SZT2: variants seen among roughly 807,000 people sequenced by gnomAD.
SZT2 encodes SZT2 subunit of KICSTOR complex, also known as KICSTOR complex protein SZT2.
SZT2 carries 216 observed loss-of-function variants against 404.2 expected under a neutral mutation model. That is an observed-to-expected ratio of 0.53 (90% CI 0.48 to 0.60). The LOEUF is 0.60. Among genes scored for constraint, SZT2 ranks in the 20% least tolerant of loss-of-function variants. The pLI is 0.00. For synonymous variants in SZT2, 1,693 were observed against 1,749.9 expected (o/e 0.97, Z 0.81); for missense variants, 3,857 against 4,459.2 (o/e 0.86, Z 3.85).
chr1:43,412,765 A>G (rs1651223908), intron 4 of SZT2: 1 of 152,194 alleles, frequency 6.6e-6, no homozygotes, highest in Non-Finnish European at 1.5e-5. Flanking sequence ...AATTACCAGA[A>G]TATATAAGGA....
At chr1:43,431,181 C>G in intron 33 of SZT2, 84 bp from the exon 34 acceptor site, 1 of 1,565,968 alleles carries the variant, frequency 6.4e-7, no homozygotes, top group East Asian at 2.2e-5. Context: ...CTAAGGAGAC[C>G]TTGAGGAGTC....
At chr1:43,416,251 T>G in intron 6 of SZT2, 150 bp downstream of exon 6, 1 of 1,074,838 alleles carries the variant, frequency 9.3e-7, no homozygotes. Flanking sequence ...TCTGTATTAG[T>G]GTGTATCAGG....
chr1:43,389,952 C>G lies in SZT2; in HGVS notation c.-17C>G. 2 of 1,449,884 alleles carry G rather than the reference C, an allele frequency of 1.4e-6. No homozygotes were observed. The highest frequency in any genetic ancestry group is 1.8e-6 in the Non-Finnish European group (2 of 1,101,404). 89.8% of individuals were successfully genotyped at this position (1,449,884 alleles called of 1,614,324 possible). ...GAACACCCTCACTGGCCCGGGCCGG[C>G]GCGGGAGGGCTGTGTGATGGCCTCG... On this transcript the variant is annotated 5_prime_UTR_variant, in exon 1 of 72. Coordinates refer to ENST00000634258, the MANE Select transcript of SZT2 (RefSeq NM_001365999.1).
chr1:43,398,725 G>A (rs1336196143), intron 1 of SZT2, among the ~76,000 whole-genome samples: 1 of 152,132 alleles, frequency 6.6e-6, no homozygotes, highest in Admixed American at 6.5e-5. Flanking sequence ...AATTTGATGG[G>A]ACTTTTCGAT....
intron 1 of SZT2, among the ~76,000 whole-genome samples, chr1:43,398,891 C>G (rs1649317633): frequency 6.6e-6 from 1 of 152,086 alleles, no homozygotes; most frequent in African/African-American, 2.4e-5. Flanking sequence ...ACCAGCCTGG[C>G]CAATATGGTG....
chr1:43,442,084 G>T lies in SZT2; in HGVS notation c.7827G>T (p.Leu2609=). Reference sequence around the variant, plus strand: ...GCCCTGCAGCTGAGCGGCATCTGCTGCTTCTGGGAAGGAACTTCTTGCAGT... The same window carrying T: ...GCCCTGCAGCTGAGCGGCATCTGCTTCTTCTGGGAAGGAACTTCTTGCAGT... ...SPRPAAERHL[L]LLGRNFLQWR... Residue 2609 remains leucine (L), a synonymous_variant, in exon 56 of 72, where the codon CTG becomes CTT. Transcript: ENST00000634258. The surrounding 1 kb of genome is among the most constrained non-coding windows in gnomAD (Gnocchi z 4.5). 6.2e-7 allele frequency: 1 copy of T among 1,614,020 alleles called. No individual in the cohort carries two copies. Among genetic ancestry groups the T allele is most frequent in the Non-Finnish European group, 8.5e-7 (1 of 1,179,996 alleles).
At chr1:43,435,506 G>A (rs532323249) in intron 42 of SZT2, among the ~76,000 whole-genome samples, 177 bp downstream of exon 42, 2 of 152,358 alleles carry the variant, frequency 1.3e-5, no homozygotes, top group South Asian at 2.1e-4. Flanking sequence ...CTGCTGCTGC[G>A]AGTTCATCAG....
At chr1:43,399,239 A>G (rs542726181) in intron 1 of SZT2, among the ~76,000 whole-genome samples, 5 of 152,342 alleles carry the variant, frequency 3.3e-5, no homozygotes, top group East Asian at 1.9e-4. Context: ...TTGAAATACA[A>G]CTAAGTTCAC....
At position 43,426,361 on chromosome 1, in the gene SZT2, C is replaced by A; in HGVS notation, c.3044-7C>A. ...TCTTGGTGCTGAGCAGAGTGTGTGT[C>A]GGGCAGAGCCAGAGGGTGTCCCTTT... On this transcript the variant is annotated splice_region_variant and splice_polypyrimidine_tract_variant and intron_variant, in intron 21 of 71. Transcript: ENST00000634258. The surrounding 1 kb of genome is among the most constrained non-coding windows in gnomAD (Gnocchi z 4.9). The A allele has an allele frequency of 1.3e-6, 2 of 1,537,026 alleles. No homozygotes were observed. The highest frequency in any genetic ancestry group is 2.4e-5 in the East Asian group (1 of 41,456).
chr1:43,448,645 C>T lies in SZT2; in HGVS notation c.10003C>T (p.Gln3335Ter). The T allele has an allele frequency of 6.2e-7, 1 of 1,614,208 alleles. No homozygotes were observed. ...CFLSMTVSWYQSLIKVLLSRF... is the reference protein window; with the variant it reads ...CFLSMTVSWY Reference sequence around the variant, plus strand: ...CCTATCCATGACGGTCTCCTGGTACCAGAGCCTGATCAAAGTTCTCCTAAG... The same window carrying T: ...CCTATCCATGACGGTCTCCTGGTACTAGAGCCTGATCAAAGTTCTCCTAAG... Residue 3335 changes from glutamine to a stop codon, truncating the protein, a stop_gained, in exon 70 of 72, where the codon CAG becomes TAG. Transcript: ENST00000634258. LOFTEE classifies it high-confidence loss of function. The surrounding 1 kb of genome is among the most constrained non-coding windows in gnomAD (Gnocchi z 4.2).
chr1:43,398,260 T>C (rs1000412458), intron 1 of SZT2, among the ~76,000 whole-genome samples: 2 of 152,190 alleles, frequency 1.3e-5, no homozygotes, highest in African/African-American at 2.4e-5. Flanking sequence ...TTAGAACATA[T>C]AGCGAGAGGG....
chr1:43,394,989 G>A (rs1570534533), intron 1 of SZT2, among the ~76,000 whole-genome samples: 2 of 152,318 alleles, frequency 1.3e-5, no homozygotes, highest in South Asian at 4.1e-4. Flanking sequence ...AAATGTTCTT[G>A]ATTTCAGGAA....
Position 43,441,698 on chromosome 1 carries a change from T to C in SZT2, c.7622T>C (p.Val2541Ala). 6.2e-7 allele frequency: 1 copy of C among 1,614,174 alleles called. No individual in the cohort carries two copies. Among genetic ancestry groups the C allele is most frequent in the Non-Finnish European group, 8.5e-7 (1 of 1,180,020 alleles). Residue 2541 changes from valine (V) to alanine (A), a missense_variant, in exon 55 of 72, where the codon GTG becomes GCG. By Grantham distance (64) the Val-to-Ala change is moderately conservative. Coordinates refer to ENST00000634258, the MANE Select transcript of SZT2 (RefSeq NM_001365999.1). The surrounding 1 kb of genome is among the most constrained non-coding windows in gnomAD (Gnocchi z 4.8). ...CTCTGCCTCCTAGGTTGTGCCTCAG[T>C]GTCCAGAAGCTCTGCCCACATGGTG... ...EFMVQIGCAS[V>A]SRSSAHMVSR...
At chr1:43,410,691 A>G (rs892917076) in intron 4 of SZT2, 1 of 152,272 alleles carries the variant, frequency 6.6e-6, no homozygotes, top group African/African-American at 2.4e-5. Flanking sequence ...CTAGCAGATT[A>G]ACTCAATATC....
rs1384360032 is a variant in SZT2, at chr1:43,442,329, C to T, written c.7935C>T (p.Pro2645=). The T allele has an allele frequency of 6.2e-7, 1 of 1,614,112 alleles. No individual in the cohort carries two copies. The highest frequency in any genetic ancestry group is 1.3e-5 in the African/African-American group (1 of 75,032). ...ATGGGAGCTCAGGGCGAAATGCTCC[C>T]CGGCAGAGGCTCTTGCTACTAGAGG... is the stretch of plus-strand genomic sequence containing the variant. ...GGDGSSGRNA[P]RQRLLLLEVV... The change falls in exon 57 of 72, where the codon CCC becomes CCT. Residue 2645 remains proline (P), a synonymous_variant. Coordinates refer to ENST00000634258, the MANE Select transcript of SZT2 (RefSeq NM_001365999.1). The surrounding 1 kb of genome is among the most constrained non-coding windows in gnomAD (Gnocchi z 4.5).
Position 43,439,363 on chromosome 1 carries a change from A to G in SZT2, c.6798A>G (p.Pro2266=). The G allele has an allele frequency of 1.9e-6, 3 of 1,613,344 alleles. No individual in the cohort carries two copies. The highest frequency in any genetic ancestry group is 2.5e-6 in the Non-Finnish European group (3 of 1,179,856). ...DSNSRNHFQH[P]LPPQGGLPDL... is the part of the protein sequence containing the mutation. ...TGTGGCTGTTCTTTCCCCAGCATCC[A>G]CTCCCACCACAGGGTGGCCTCCCTG... The change falls in exon 49 of 72, where the codon CCA becomes CCG. Residue 2266 remains proline, a synonymous_variant. Transcript: ENST00000634258. This position sits in a 1 kb window ranked among gnomAD's most constrained non-coding sequence, Gnocchi z 4.2.
chr1:43,449,784 G>A (rs866026436), intron 70 of SZT2: 25 of 467,704 alleles, frequency 5.3e-5, no homozygotes, highest in Admixed American at 3.0e-4. Flanking sequence ...TCAGAGAGGA[G>A]TCCCAGGACA....
At position 43,450,510 on chromosome 1, in the gene SZT2, G is replaced by C. The variant is rs1316835086; in HGVS notation, c.*30G>C. 6.2e-7 allele frequency: 1 copy of C among 1,613,096 alleles called. No individual in the cohort carries two copies. The highest frequency in any genetic ancestry group is 1.3e-5 in the African/African-American group (1 of 75,030). On this transcript the variant is annotated 3_prime_UTR_variant, in exon 72 of 72. Transcript: ENST00000634258. This position sits in a 1 kb window ranked among gnomAD's most constrained non-coding sequence, Gnocchi z 4.3. Reference sequence around the variant, plus strand: ...GTGGACTGGACCACTGAATGTCACTGTTCCTTGAATCATGGGCCTACCAGA... The same window carrying C: ...GTGGACTGGACCACTGAATGTCACTCTTCCTTGAATCATGGGCCTACCAGA...
intron 1 of SZT2, chr1:43,394,204 CTCT>C: frequency 4.3e-6 from 1 of 230,926 alleles, no homozygotes; most frequent in Non-Finnish European, 7.0e-6. Flanking sequence ...AGCCCATCAA[CTCT>C]TTTTTTTTTT....
Sources: allele counts gnomAD v4.1 joint callset (sites outside exome capture counted in the v4.1 genomes callset), GRCh38; gene constraint gnomAD v4.1.1; non-coding constraint Gnocchi (gnomAD v3.1); transcripts MANE v1.5; gene names NCBI Gene and HGNC (gene_info 2026-07-23, HGNC 2026-07-21).